TTLL9: variants seen among roughly 807,000 people sequenced by gnomAD.
The protein encoded by TTLL9 is probable tubulin polyglutamylase TTLL9.
TTLL9 carries 47 observed loss-of-function variants against 65.6 expected under a neutral mutation model. The observed-to-expected ratio is 0.72, with a 90% CI of 0.57 to 0.91. The LOEUF is 0.91. TTLL9 is among the 40% of genes least tolerant of loss of function. The pLI is 0.00. For missense variants in TTLL9, 537 were observed against 568.8 expected, an observed-to-expected ratio of 0.94 and a Z score of 0.57; for synonymous variants, 179 against 204.8, an observed-to-expected ratio of 0.87 and a Z score of 1.07.
chr20:31,896,137 G>T (rs768332351), intron 3 of TTLL9, among the ~76,000 whole-genome samples: 49 of 152,042 alleles, frequency 3.2e-4, no homozygotes, highest in Admixed American at 3.2e-3. Context: ...ACTGCGCCCG[G>T]CCTGATTTTT....
chr20:31,930,026 G>A (rs1478160892), intron 10 of TTLL9, among the ~76,000 whole-genome samples: 2 of 152,190 alleles, frequency 1.3e-5, no homozygotes, highest in Non-Finnish European at 2.9e-5. Context: ...TACTCGGGAG[G>A]CTGAGGTAGG....
chr20:31,882,793 C>G (rs2063137004), intron 2 of TTLL9, among the ~76,000 whole-genome samples: 1 of 152,156 alleles, frequency 6.6e-6, no homozygotes. Flanking sequence ...ACACAACACA[C>G]TTAAAACTGC....
intron 11 of TTLL9, 148 bp from the exon 12 acceptor site, chr20:31,934,544 C>T (rs2064075655): frequency 1.3e-6 from 1 of 742,520 alleles, no homozygotes; most frequent in African/African-American, 1.8e-5. Context: ...GAGGGGCACA[C>T]CTGGGGTCAT....
rs2063836294 is a variant in TTLL9, at chr20:31,923,027, A to T, written c.638A>T (p.Tyr213Phe). The T allele has an allele frequency of 6.2e-7, 1 of 1,613,906 alleles. No individual in the cohort carries two copies. Among genetic ancestry groups the T allele is most frequent in the Admixed American group, 1.7e-5 (1 of 60,010 alleles). Residue 213 changes from tyrosine to phenylalanine, a missense_variant, in exon 8 of 15, where the codon TAC (tyrosine) becomes TTC (phenylalanine). By Grantham distance (22) the Tyr-to-Phe change is conservative. Around this residue, in one of 3 missense-constraint regions of TTLL9, gnomAD observed 320 missense variants for 311.0 expected, o/e 1.03. Coordinates refer to ENST00000535842, the MANE Select transcript of TTLL9 (RefSeq NM_001008409.5). ...IPVENYVAQRYIENPYLIGGR... is the reference protein window; with the variant it reads ...IPVENYVAQRFIENPYLIGGR... The stretch of plus-strand genomic sequence containing the variant: ...GTGGAGAACTATGTGGCTCAGCGTT[A>T]CATTGAAAATCCTTACCTGATAGGA...
At chr20:31,938,085 TC>T in intron 13 of TTLL9, 1 of 98,376 alleles carries the variant, frequency 1.0e-5, no homozygotes, top group South Asian at 9.6e-5. Context: ...TCCCTCTCCC[TC>T]CCTCCCTCTC....
intron 5 of TTLL9, among the ~76,000 whole-genome samples, chr20:31,909,299 A>T (rs2063608310): frequency 6.6e-6 from 1 of 151,806 alleles, no homozygotes; most frequent in Non-Finnish European, 1.5e-5. Flanking sequence ...GCTCACCACC[A>T]TGCCCGGCTA....
rs1181382704 is a variant in TTLL9, at chr20:31,934,767, T to C, written c.883T>C (p.Phe295Leu). ...KHGPEAVETLFRDIDNIFVKS... is the reference protein window; with the variant it reads ...KHGPEAVETLLRDIDNIFVKS... ...CGGGCCCGAGGCAGTGGAGACACTC[T>C]TCAGGGACATCGACAACATCTTTGT... The change falls in exon 12 of 15, where the codon TTC (phenylalanine) becomes CTC (leucine). Residue 295 changes from phenylalanine (F) to leucine (L), a missense_variant. This residue lies in a region of TTLL9 where 205 missense variants were observed against 225.9 expected (regional missense o/e 0.91). Transcript: ENST00000535842. 1.2e-6 allele frequency: 2 copies of C among 1,613,380 alleles called. No homozygotes were observed. Among genetic ancestry groups the C allele is most frequent in the Non-Finnish European group, 1.7e-6 (2 of 1,180,034 alleles).
chr20:31,890,026 CTTTCT>C (rs1568752181), intron 3 of TTLL9, among the ~76,000 whole-genome samples: 24 of 143,376 alleles, frequency 1.7e-4, no homozygotes, highest in African/African-American at 3.5e-4. Flanking sequence ...TTCTTTCTTT[CTTTCT>C]TTCCTTCCTT....
intron 11 of TTLL9, chr20:31,934,384 T>A: frequency 1.8e-6 from 1 of 563,700 alleles, no homozygotes; most frequent in Non-Finnish European, 3.4e-6. Flanking sequence ...TGTCGGTCAC[T>A]CCTTGGCCTT....
At position 31,942,929 on chromosome 20, in the gene TTLL9, C is replaced by G. The variant is rs370998691; in HGVS notation, c.1244-16C>G. On this transcript the variant is annotated splice_polypyrimidine_tract_variant and intron_variant, in intron 14 of 14. Coordinates refer to ENST00000535842, the MANE Select transcript of TTLL9 (RefSeq NM_001008409.5). ...AAGCATAGGTCATCCCAGCCAACACCCCACTTCCTTTCCAGGCTGCGTCAA... is the reference window on the plus strand; with the variant it reads ...AAGCATAGGTCATCCCAGCCAACACGCCACTTCCTTTCCAGGCTGCGTCAA... 112 of 1,613,884 alleles carry G rather than the reference C, an allele frequency of 6.9e-5. No homozygotes were observed. Among genetic ancestry groups the G allele is most frequent in the Admixed American group, 1.5e-4 (9 of 60,000 alleles).
chr20:31,928,684 T>C (rs2063951777), intron 10 of TTLL9, among the ~76,000 whole-genome samples: 1 of 152,182 alleles, frequency 6.6e-6, no homozygotes, highest in Non-Finnish European at 1.5e-5. Context: ...CTATGTGATC[T>C]TGTGCATCTG....
intron 2 of TTLL9, among the ~76,000 whole-genome samples, chr20:31,875,583 G>C (rs576311111): frequency 4.6e-5 from 7 of 152,172 alleles, no homozygotes; most frequent in East Asian, 1.9e-4. Flanking sequence ...TCCTTACCAA[G>C]CTAACTCTCA....
intron 3 of TTLL9, among the ~76,000 whole-genome samples, chr20:31,888,631 C>T (rs559128685): frequency 2.0e-5 from 3 of 152,112 alleles, no homozygotes; most frequent in Non-Finnish European, 4.4e-5. Flanking sequence ...GCCACCACGC[C>T]TGGCTAATTG....
chr20:31,934,588 G>C, intron 11 of TTLL9, 104 bp from the exon 12 acceptor site: 1 of 1,118,266 alleles, frequency 8.9e-7, no homozygotes, highest in Non-Finnish European at 1.3e-6. Flanking sequence ...GGCCCCTCTT[G>C]CCCAGGTCTA....
At chr20:31,922,451 G>A (rs971876144) in intron 7 of TTLL9, among the ~76,000 whole-genome samples, 11 of 151,912 alleles carry the variant, frequency 7.2e-5, no homozygotes, top group South Asian at 2.1e-4. Context: ...CAAGCTCCCC[G>A]TTCCCTCCTC....
At chr20:31,941,601 CA>C (rs1485930653) in intron 14 of TTLL9, among the ~76,000 whole-genome samples, 3 of 152,012 alleles carry the variant, frequency 2.0e-5, no homozygotes, top group African/African-American at 7.2e-5. Context: ...CTCTGTTGCC[CA>C]GGCTGGAGTG....
chr20:31,932,029 TC>T (rs1244297896), intron 10 of TTLL9, among the ~76,000 whole-genome samples: 1 of 152,326 alleles, frequency 6.6e-6, no homozygotes, highest in East Asian at 1.9e-4. Flanking sequence ...TATATTTAGG[TC>T]TGTGGTCCAT....
At chr20:31,905,813 C>T (rs1374850724) in intron 4 of TTLL9, among the ~76,000 whole-genome samples, 1 of 152,138 alleles carries the variant, frequency 6.6e-6, no homozygotes, top group Non-Finnish European at 1.5e-5. Context: ...GCAGGCGGAT[C>T]ACCTGAGGTC....
chr20:31,936,457 T>A (rs6089124), intron 12 of TTLL9, among the ~76,000 whole-genome samples: 2 of 151,348 alleles, frequency 1.3e-5, no homozygotes, highest in African/African-American at 4.9e-5. Context: ...GTGACAGAAC[T>A]GGATTCTGAC....
Sources: allele counts gnomAD v4.1 joint callset (sites outside exome capture counted in the v4.1 genomes callset), GRCh38; gene constraint gnomAD v4.1.1; regional missense constraint gnomAD v4.1.1; transcripts MANE v1.5; gene names NCBI Gene and HGNC (gene_info 2026-07-23, HGNC 2026-07-21).